Variants in MGAT4C observed in about 807,000 individuals in gnomAD.
MGAT4C encodes MGAT4 family member C, also known as alpha-1,3-mannosyl-glycoprotein 4-beta-N-acetylglucosaminyltransferase C.
Under a neutral mutation model 40.1 loss-of-function variants are expected in MGAT4C, and 19 were observed. That is an observed-to-expected ratio of 0.47 (90% CI 0.33 to 0.70). MGAT4C has a LOEUF of 0.70. MGAT4C is among the 30% of genes least tolerant of loss of function. The probability of loss-of-function intolerance (pLI) is 0.02; values close to 1 mark genes in which losing one functional copy is unlikely to be tolerated. For missense variants in MGAT4C, 491 were observed against 563.2 expected (o/e 0.87, Z 1.30); for synonymous variants, 181 against 187.1 (o/e 0.97, Z 0.27).
intron 2 of MGAT4C, among the ~76,000 whole-genome samples, chr12:86,009,596 C>A (rs1262842619): frequency 6.6e-6 from 1 of 152,174 alleles, no homozygotes; most frequent in Non-Finnish European, 1.5e-5. Context: ...CCCATCCCCC[C>A]AATCAGGAAT....
At chr12:86,828,775 A>G (rs1952858671) in intron 1 of MGAT4C, among the ~76,000 whole-genome samples, 1 of 151,598 alleles carries the variant, frequency 6.6e-6, no homozygotes, top group Non-Finnish European at 1.5e-5. Flanking sequence ...TACATATTGC[A>G]TGATTCTATT....
Position 86,269,020 on chromosome 12 carries a change from ATATAT to A in MGAT4C, c.-57+65040_-57+65044del, listed in dbSNP as rs1566246020. The stretch of plus-strand genomic sequence containing the variant: ...TATATTCTTTCATACTTACATATAT[ATATAT>A]ATATATATATATATATATATATATA... On this transcript the variant is annotated intron_variant, in intron 4 of 7. Coordinates refer to the MGAT4C transcript ENST00000548651. Among the ~76,000 whole-genome samples, 65 of 11,766 alleles carry A rather than the reference ATATAT, an allele frequency of 5.5e-3. 2 individuals carry two copies. The highest frequency in any genetic ancestry group is 0.016 in the African/African-American group (63 of 3,846). The allele number at this position is 11,766 out of a possible 152,430, so 7.7% of individuals were successfully genotyped here.
At chr12:86,114,350 G>C (rs1878006878) in intron 1 of MGAT4C, among the ~76,000 whole-genome samples, 1 of 151,830 alleles carries the variant, frequency 6.6e-6, no homozygotes, top group Non-Finnish European at 1.5e-5. Context: ...TCTGAGTAGA[G>C]GGACTATGTT....
intron 1 of MGAT4C, among the ~76,000 whole-genome samples, chr12:86,076,788 T>G (rs541662077): frequency 1.3e-5 from 2 of 152,136 alleles, no homozygotes; most frequent in South Asian, 4.1e-4. Flanking sequence ...CCACAACACG[T>G]GGGAATTCTG....
chr12:86,448,664 C>A (rs1335183152), intron 2 of MGAT4C, among the ~76,000 whole-genome samples: 1 of 152,074 alleles, frequency 6.6e-6, no homozygotes, highest in East Asian at 1.9e-4. Flanking sequence ...TAAAATGAAT[C>A]TCAGCAAAAA....
chr12:86,372,108 G>A (rs556476508), intron 3 of MGAT4C, among the ~76,000 whole-genome samples: 1 of 151,704 alleles, frequency 6.6e-6, no homozygotes, highest in Non-Finnish European at 1.5e-5. Context: ...GCTTTTAAAA[G>A]TGTCAGTTTA....
intron 1 of MGAT4C, among the ~76,000 whole-genome samples, chr12:86,827,039 T>C (rs1952821808): frequency 6.6e-6 from 1 of 151,414 alleles, no homozygotes; most frequent in African/African-American, 2.4e-5. Context: ...CATATATTAA[T>C]AGACACACAG....
intron 2 of MGAT4C, among the ~76,000 whole-genome samples, chr12:86,513,936 G>GAA (rs1364989654): frequency 4.6e-5 from 7 of 151,834 alleles, no homozygotes; most frequent in East Asian, 3.9e-4. Context: ...TTACGAAAGG[G>GAA]GGCATAAAGG....
At chr12:86,379,499 C>G (rs908030975) in intron 3 of MGAT4C, among the ~76,000 whole-genome samples, 1 of 152,082 alleles carries the variant, frequency 6.6e-6, no homozygotes, top group African/African-American at 2.4e-5. Flanking sequence ...CTGTTGCCAC[C>G]TCTTTCTGGC....
intron 1 of MGAT4C, among the ~76,000 whole-genome samples, chr12:86,183,705 G>A (rs61929486): frequency 6.6e-6 from 1 of 152,036 alleles, no homozygotes; most frequent in African/African-American, 2.4e-5. Flanking sequence ...GGCTTGTAGA[G>A]GGTGGCCTTC....
intron 2 of MGAT4C, among the ~76,000 whole-genome samples, chr12:86,682,267 ATTTAAT>A (rs1235803144): frequency 5.9e-5 from 9 of 152,104 alleles, no homozygotes; most frequent in African/African-American, 2.2e-4. Flanking sequence ...ATAGTATAAA[ATTTAAT>A]TTTATTAGAT....
At chr12:86,126,753 C>G (rs1006523949) in intron 1 of MGAT4C, among the ~76,000 whole-genome samples, 1 of 152,094 alleles carries the variant, frequency 6.6e-6, no homozygotes, top group African/African-American at 2.4e-5. Context: ...CATTGTTAGG[C>G]AATTTTGTCG....
chr12:86,289,750 G>A (rs1953457259), intron 4 of MGAT4C, among the ~76,000 whole-genome samples: 1 of 152,028 alleles, frequency 6.6e-6, no homozygotes, highest in African/African-American at 2.4e-5. Context: ...TTTGTACACT[G>A]GCTTTGTATC....
At chr12:86,820,085 AT>A (rs1952679712) in intron 1 of MGAT4C, among the ~76,000 whole-genome samples, 1 of 150,928 alleles carries the variant, frequency 6.6e-6, no homozygotes, top group Non-Finnish European at 1.5e-5. Context: ...ATTACAAAAA[AT>A]AAAGATGCCT....
chr12:86,307,431 A>C (rs892730155), intron 4 of MGAT4C, among the ~76,000 whole-genome samples: 1 of 150,432 alleles, frequency 6.6e-6, no homozygotes, highest in Admixed American at 6.6e-5. Flanking sequence ...AAGGATGGAG[A>C]GATGCATTCC....
chr12:86,059,068 A>C (rs1346257202), intron 1 of MGAT4C, among the ~76,000 whole-genome samples: 4 of 152,108 alleles, frequency 2.6e-5, no homozygotes, highest in Non-Finnish European at 4.4e-5. Context: ...TTTTCGAAAC[A>C]GAGTCTCACT....
chr12:86,470,218 T>C (rs1957738852), intron 2 of MGAT4C, among the ~76,000 whole-genome samples: 1 of 152,204 alleles, frequency 6.6e-6, no homozygotes, highest in African/African-American at 2.4e-5. Context: ...AACTCTAATT[T>C]ACAGTCTTGC....
intron 1 of MGAT4C, among the ~76,000 whole-genome samples, chr12:86,175,344 C>T (rs1566091362): frequency 6.6e-6 from 1 of 152,134 alleles, no homozygotes; most frequent in Non-Finnish European, 1.5e-5. Context: ...TTTACCTTAT[C>T]CTTCTGTCTG....
At chr12:86,066,810 AT>A (rs1894590287) in intron 1 of MGAT4C, among the ~76,000 whole-genome samples, 4 of 152,184 alleles carry the variant, frequency 2.6e-5, no homozygotes, top group Admixed American at 2.6e-4. Flanking sequence ...CAATCTATCC[AT>A]CTGACAAAGG....
Sources: gnomAD v4.1 joint callset for allele counts (sites outside exome capture counted in the v4.1 genomes callset) on GRCh38, gnomAD v4.1.1 for gene constraint, MANE v1.5 for transcripts, NCBI Gene and HGNC (gene_info 2026-07-23, HGNC 2026-07-21) for gene names.